MAMDC2: variants seen among roughly 807,000 people sequenced by gnomAD.
MAMDC2 encodes MAM domain containing 2, also known as MAM domain-containing protein 2.
In MAMDC2, 57 loss-of-function variants were observed where a neutral mutation model predicts 89.8. The ratio of observed to expected loss-of-function variants is 0.63; its 90% confidence interval spans 0.51 to 0.79. MAMDC2 has a LOEUF of 0.79. Ranked by LOEUF, MAMDC2 falls within the 30% of genes least tolerant of loss-of-function variation. The pLI is 0.00. For missense variants in MAMDC2, 800 were observed against 820.6 expected, an observed-to-expected ratio of 0.97 and a Z score of 0.31; for synonymous variants, 313 against 293.4, an observed-to-expected ratio of 1.07 and a Z score of -0.68.
chr9:70,199,366 C>T (rs1461340339), intron 11 of MAMDC2, among the ~76,000 whole-genome samples: 4 of 147,876 alleles, frequency 2.7e-5, no homozygotes, highest in Non-Finnish European at 6.0e-5. Flanking sequence ...CATGTCCCTA[C>T]AAAGGACATG....
intron 9 of MAMDC2, among the ~76,000 whole-genome samples, chr9:70,156,124 C>G (rs2031756949): frequency 6.6e-6 from 1 of 152,144 alleles, no homozygotes; most frequent in African/African-American, 2.4e-5. Context: ...TAACATTGTG[C>G]AACATGGTTC....
chr9:70,136,197 C>T (rs936137266), intron 7 of MAMDC2, among the ~76,000 whole-genome samples: 1 of 152,106 alleles, frequency 6.6e-6, no homozygotes, highest in African/African-American at 2.4e-5. Context: ...GCCTATTCAC[C>T]TCTCCTTCCC....
intron 9 of MAMDC2, among the ~76,000 whole-genome samples, chr9:70,144,722 T>A (rs2031342077): frequency 6.6e-6 from 1 of 152,230 alleles, no homozygotes; most frequent in Non-Finnish European, 1.5e-5. Context: ...CACATTCAAA[T>A]CCAGGAGTCA....
At chr9:70,155,520 T>C (rs1363446832) in intron 9 of MAMDC2, among the ~76,000 whole-genome samples, 3 of 152,224 alleles carry the variant, frequency 2.0e-5, no homozygotes, top group African/African-American at 7.2e-5. Flanking sequence ...TTATTCCCTC[T>C]CTCGTAAATC....
intron 2 of MAMDC2, among the ~76,000 whole-genome samples, chr9:70,101,315 A>G (rs1587470744): frequency 6.6e-6 from 1 of 152,150 alleles, no homozygotes; most frequent in African/African-American, 2.4e-5. Context: ...TTTATAAAGT[A>G]AAAAGGTTAT....
At chr9:70,224,451 A>C (rs2033614038) in intron 12 of MAMDC2, among the ~76,000 whole-genome samples, 1 of 152,184 alleles carries the variant, frequency 6.6e-6, no homozygotes, top group South Asian at 2.1e-4. Flanking sequence ...TATAACTATT[A>C]GTCTGCAGCC....
chr9:70,044,109 C>A lies in MAMDC2; in HGVS notation c.-89C>A. On this transcript the variant is annotated 5_prime_UTR_variant, in exon 1 of 14. Transcript: ENST00000377182. Reference sequence around the variant, plus strand: ...CCTCCTTGGGTCCCCGGCGCCCCCGCCTCCCACGATCCCTTTCACTAGGAG... The same window carrying A: ...CCTCCTTGGGTCCCCGGCGCCCCCGACTCCCACGATCCCTTTCACTAGGAG... 6.6e-7 allele frequency: 1 copy of A among 1,519,372 alleles called. No individual in the cohort carries two copies. Among genetic ancestry groups the A allele is most frequent in the Non-Finnish European group, 9.1e-7 (1 of 1,100,262 alleles). The allele number at this position is 1,519,372 out of a possible 1,614,324, so 94.1% of individuals were successfully genotyped here.
intron 12 of MAMDC2, among the ~76,000 whole-genome samples, chr9:70,220,300 A>G (rs1344407080): frequency 6.6e-6 from 1 of 152,152 alleles, no homozygotes; most frequent in Admixed American, 6.5e-5. Context: ...AGTACAGAGT[A>G]GTGTGGCATC....
chr9:70,073,967 GC>G (rs1397760245), intron 2 of MAMDC2, among the ~76,000 whole-genome samples: 1 of 152,170 alleles, frequency 6.6e-6, no homozygotes, highest in African/African-American at 2.4e-5. Flanking sequence ...GGGGTCATGA[GC>G]CCTTTTGAGA....
chr9:70,045,917 A>AGGG (rs1826738788), intron 2 of MAMDC2, among the ~76,000 whole-genome samples: 4 of 152,190 alleles, frequency 2.6e-5, no homozygotes, highest in Non-Finnish European at 5.9e-5. Flanking sequence ...TGACTACTAC[A>AGGG]GTCTACTTAG....
At chr9:70,207,406 T>G (rs1666639626) in intron 11 of MAMDC2, among the ~76,000 whole-genome samples, 1 of 152,258 alleles carries the variant, frequency 6.6e-6, no homozygotes, top group Non-Finnish European at 1.5e-5. Flanking sequence ...TTCATGTGTC[T>G]GTTGACTGCA....
At chr9:70,174,444 A>G (rs1202634801) in intron 11 of MAMDC2, among the ~76,000 whole-genome samples, 1 of 152,204 alleles carries the variant, frequency 6.6e-6, no homozygotes, top group African/African-American at 2.4e-5. Flanking sequence ...GGAGTTAACT[A>G]ATGTAAATAG....
At chr9:70,052,622 C>G (rs79824667) in intron 2 of MAMDC2, among the ~76,000 whole-genome samples, 208 of 152,290 alleles carry the variant, frequency 1.4e-3, no homozygotes, top group Non-Finnish European at 2.6e-3. Context: ...ACTGTTATGT[C>G]TCTGAGAACA....
chr9:70,085,100 C>T (rs957711955), intron 2 of MAMDC2, among the ~76,000 whole-genome samples: 14 of 152,038 alleles, frequency 9.2e-5, no homozygotes, highest in African/African-American at 3.4e-4. Flanking sequence ...AGCTGCACTA[C>T]AGGGCCCCTT....
intron 2 of MAMDC2, among the ~76,000 whole-genome samples, chr9:70,048,343 C>T (rs906741433): frequency 2.6e-5 from 4 of 152,106 alleles, no homozygotes; most frequent in African/African-American, 9.7e-5. Context: ...GGCGTGACCT[C>T]GGGTCACTGC....
intron 11 of MAMDC2, among the ~76,000 whole-genome samples, chr9:70,179,007 C>CT (rs1346825974): frequency 1.6e-4 from 24 of 152,094 alleles, no homozygotes; most frequent in South Asian, 4.1e-4. Flanking sequence ...AAAATATAGG[C>CT]TTTTTTGTGC....
At chr9:70,087,875 C>A (rs903030536) in intron 2 of MAMDC2, among the ~76,000 whole-genome samples, 1 of 152,140 alleles carries the variant, frequency 6.6e-6, no homozygotes, top group Non-Finnish European at 1.5e-5. Context: ...ACTCTTGCTA[C>A]TTCTGTAGGT....
At chr9:70,209,396 A>T (rs1466096010) in intron 11 of MAMDC2, among the ~76,000 whole-genome samples, 1 of 152,136 alleles carries the variant, frequency 6.6e-6, no homozygotes, top group African/African-American at 2.4e-5. Context: ...CATTTCTTCT[A>T]GATTTTCTAG....
chr9:70,199,874 C>G (rs1449759356), intron 11 of MAMDC2, among the ~76,000 whole-genome samples: 2 of 151,342 alleles, frequency 1.3e-5, no homozygotes, highest in African/African-American at 4.9e-5. Flanking sequence ...TGTTCATGTC[C>G]TTCGCCCACT....
Sources: gnomAD v4.1 joint callset for allele counts (sites outside exome capture counted in the v4.1 genomes callset) on GRCh38, gnomAD v4.1.1 for gene constraint, MANE v1.5 for transcripts, NCBI Gene and HGNC (gene_info 2026-07-23, HGNC 2026-07-21) for gene names.